ANKAR: variants seen among roughly 807,000 people sequenced by gnomAD.
The protein encoded by ANKAR is ankyrin and armadillo repeat containing.
A neutral mutation model predicts 146.2 loss-of-function variants in ANKAR; 136 were observed. The ratio of observed to expected loss-of-function variants is 0.93; its 90% CI spans 0.81 to 1.07. The LOEUF (loss-of-function observed/expected upper bound fraction) is 1.07. Among genes scored for constraint, ANKAR ranks in the 50% least tolerant of loss-of-function variants. ANKAR has a pLI of 0.00. For synonymous variants in ANKAR, 500 were observed against 575.8 expected, an observed-to-expected ratio of 0.87 and a Z score of 1.88; for missense variants, 1,567 against 1,679.9, an observed-to-expected ratio of 0.93 and a Z score of 1.18.
At chr2:189,739,166 A>T (rs1191871134) in intron 19 of ANKAR, among the ~76,000 whole-genome samples, 1 of 152,240 alleles carries the variant, frequency 6.6e-6, no homozygotes. Flanking sequence ...TTGCTATTGT[A>T]TAACTGTGTC....
rs762093671 is a variant in ANKAR at position 189,676,548 on chromosome 2, A to G, written c.58A>G (p.Thr20Ala). 7.2e-5 allele frequency: 115 copies of G among 1,600,088 alleles called. No individual in the cohort carries two copies. The highest frequency in any genetic ancestry group is 2.7e-4 in the Admixed American group (16 of 58,584). ...PRFEQVQDED[T>A]YLENLAIQRN... ...ATTTGAGCAAGTTCAGGATGAAGAC[A>G]CCTACCTGGAAAATTTAGCAATACA... The change falls in exon 2 of 23, where the codon ACC (threonine) becomes GCC (alanine). Residue 20 changes from threonine to alanine, a missense_variant. Coordinates refer to ENST00000684021, the MANE Select transcript of ANKAR (RefSeq NM_001378068.1).
intron 2 of ANKAR, among the ~76,000 whole-genome samples, chr2:189,686,456 G>T (rs1425457064): frequency 6.6e-6 from 1 of 152,056 alleles, no homozygotes; most frequent in East Asian, 1.9e-4. Context: ...CGGGAAATTT[G>T]TCATTTTTTG....
chr2:189,727,838 T>C lies in ANKAR; in HGVS notation c.2636-18T>C, dbSNP rs753503032. On this transcript the variant is annotated intron_variant, in intron 12 of 22. Transcript: ENST00000684021. The stretch of plus-strand genomic sequence containing the variant: ...TTTTCATAAGGTTTATTTAACTTGT[T>C]CTTAAATTCATTTGAAGATGTGTTG... 3 of 1,610,540 alleles carry C rather than the reference T, an allele frequency of 1.9e-6. No individual in the cohort carries two copies. Among genetic ancestry groups the C allele is most frequent in the Non-Finnish European group, 2.5e-6 (3 of 1,177,832 alleles).
At chr2:189,735,458 C>G (rs1489593028) in intron 17 of ANKAR, among the ~76,000 whole-genome samples, 5 of 152,184 alleles carry the variant, frequency 3.3e-5, no homozygotes, top group Admixed American at 2.0e-4. Context: ...CATTAGTGCT[C>G]TTAGGGCTTT....
At chr2:189,735,595 A>G (rs1299910921) in intron 17 of ANKAR, among the ~76,000 whole-genome samples, 1 of 152,238 alleles carries the variant, frequency 6.6e-6, no homozygotes, top group East Asian at 1.9e-4. Context: ...CACTGAATGA[A>G]TAGCTATCTT....
At chr2:189,714,975 A>C (rs2040240725) in intron 10 of ANKAR, among the ~76,000 whole-genome samples, 1 of 147,948 alleles carries the variant, frequency 6.8e-6, no homozygotes. Flanking sequence ...AAAGAGAGAG[A>C]GAGAGAAACC....
intron 3 of ANKAR, 128 bp from the exon 4 acceptor site, chr2:189,692,127 A>T (rs1054402910): frequency 2.7e-6 from 2 of 748,848 alleles, no homozygotes; most frequent in Non-Finnish European, 4.2e-6. Flanking sequence ...ATGCACTATA[A>T]TTGCCAAGAT....
chr2:189,742,537 C>A (rs903847041), intron 20 of ANKAR, among the ~76,000 whole-genome samples: 1 of 150,582 alleles, frequency 6.6e-6, no homozygotes, highest in African/African-American at 2.4e-5. Context: ...CTTGTAACGT[C>A]TGAATGTTAA....
At chr2:189,746,694 T>C, downstream of ANKAR, 2 of 1,418,684 alleles carry the variant, frequency 1.4e-6, no homozygotes, top group East Asian at 2.5e-5. Context: ...TTAATAATGG[T>C]AATATGCAAA....
chr2:189,700,466 C>T (rs1181958612), intron 7 of ANKAR, among the ~76,000 whole-genome samples: 1 of 152,134 alleles, frequency 6.6e-6, no homozygotes, highest in African/African-American at 2.4e-5. Context: ...TTTTTTGATA[C>T]AGGCATGCAA....
At chr2:189,754,501 A>C in intron 18 of ANKAR, 1 of 664,380 alleles carries the variant, frequency 1.5e-6, no homozygotes, top group Non-Finnish European at 2.5e-6. Flanking sequence ...GCTGATATTC[A>C]GGTAAGCAGA....
At position 189,728,622 on chromosome 2, in the gene ANKAR, C is replaced by G. The variant is rs538059128; in HGVS notation, c.3032-38C>G. 5 of 1,601,804 alleles carry G rather than the reference C, an allele frequency of 3.1e-6. No individual in the cohort carries two copies. In the East Asian group the frequency reaches 1.1e-4, roughly 36 times the overall value. On this transcript the variant is annotated intron_variant, in intron 14 of 22. Coordinates refer to ENST00000684021, the MANE Select transcript of ANKAR (RefSeq NM_001378068.1). ...CCTCTGCATAATGTAGAACAGGGCA[C>G]TGGAGTATCATACATGTATCTTGCT...
At chr2:189,728,625 G>C (rs773022844) in intron 14 of ANKAR, 35 bp from the exon 15 acceptor site, 8 of 1,604,422 alleles carry the variant, frequency 5.0e-6, no homozygotes, top group East Asian at 2.2e-5. Flanking sequence ...CAGGGCACTG[G>C]AGTATCATAC....
intron 7 of ANKAR, among the ~76,000 whole-genome samples, chr2:189,703,142 G>C (rs1178916438): frequency 2.0e-5 from 3 of 152,192 alleles, no homozygotes; most frequent in African/African-American, 7.2e-5. Flanking sequence ...GTTGTAGCTG[G>C]TGCTTCAAGT....
At chr2:189,761,555 T>A (rs1302902118), downstream of ANKAR, 1 of 1,611,338 alleles carries the variant, frequency 6.2e-7, no homozygotes, top group Non-Finnish European at 8.5e-7. Context: ...TGTTCCAGGA[T>A]GAAAATTAAA....
At chr2:189,760,579 T>G (rs2046889087) in intron 18 of ANKAR, among the ~76,000 whole-genome samples, 1 of 152,100 alleles carries the variant, frequency 6.6e-6, no homozygotes, top group Non-Finnish European at 1.5e-5. Context: ...GATCAAGAGG[T>G]CAGGAGATTG....
chr2:189,715,131 A>G (rs1574567908), intron 10 of ANKAR, among the ~76,000 whole-genome samples: 2 of 152,258 alleles, frequency 1.3e-5, no homozygotes, highest in African/African-American at 4.8e-5. Context: ...AAACCTTCAA[A>G]ATATCAATGA....
intron 21 of ANKAR, among the ~76,000 whole-genome samples, chr2:189,744,296 A>G (rs1235294340): frequency 6.6e-6 from 1 of 152,212 alleles, no homozygotes; most frequent in African/African-American, 2.4e-5. Context: ...TTTATAAGCC[A>G]GGGAAGCTAA....
rs773618111 is a variant in ANKAR at position 189,694,971 on chromosome 2, T to G, written c.1308-10T>G. On this transcript the variant is annotated splice_polypyrimidine_tract_variant and intron_variant, in intron 5 of 22. Transcript: ENST00000684021. ...TAGAGAAACATCTTTTTTTTCTTTA[T>G]TTTTTATAGCTACTATGTGATCTAT... 1.4e-6 allele frequency: 2 copies of G among 1,422,922 alleles called. No homozygotes were observed. The highest frequency in any genetic ancestry group is 1.8e-5 in the South Asian group (1 of 57,078). 88.1% of individuals were successfully genotyped at this position (1,422,922 alleles called of 1,614,324 possible). A position where few individuals can be genotyped will look rare whatever the true frequency, so the allele number is the denominator to read the frequency against.
Sources: allele counts gnomAD v4.1 joint callset (sites outside exome capture counted in the v4.1 genomes callset), GRCh38; gene constraint gnomAD v4.1.1; transcripts MANE v1.5; gene names NCBI Gene and HGNC (gene_info 2026-07-23, HGNC 2026-07-21).